The following CDH12 variants were observed in gnomAD, a reference collection of about 807,000 sequenced individuals.
CDH12 encodes cadherin 12, also known as cadherin-12.
In CDH12, 41 loss-of-function variants were observed where a neutral mutation model predicts 74.1. That is an observed-to-expected ratio of 0.55 (90% confidence interval 0.43 to 0.72). The LOEUF (loss-of-function observed/expected upper bound fraction) is 0.72, where lower values mean the gene tolerates loss of function less well. CDH12 is among the 30% of genes least tolerant of loss of function. CDH12 has a pLI of 0.00. For synonymous variants in CDH12, 399 were observed against 355.0 expected, an observed-to-expected ratio of 1.12 and a Z score of -1.39; for missense variants, 945 against 977.2, an observed-to-expected ratio of 0.97 and a Z score of 0.44.
intron 6 of CDH12, among the ~76,000 whole-genome samples, chr5:21,926,945 G>A (rs1754609455): frequency 6.6e-6 from 1 of 152,182 alleles, no homozygotes; most frequent in Non-Finnish European, 1.5e-5. Flanking sequence ...AACAGCATAT[G>A]AGAAAAGGAA....
chr5:22,585,795 C>T (rs771165352), intron 1 of CDH12, among the ~76,000 whole-genome samples: 3 of 151,828 alleles, frequency 2.0e-5, no homozygotes, highest in African/African-American at 2.4e-5. Flanking sequence ...GTTTCTAGGT[C>T]GTTCTTTCAA....
At position 22,708,882 on chromosome 5, in the gene CDH12, C is replaced by T. The variant is rs947969804; in HGVS notation, c.-523+144176G>A. On this transcript the variant is annotated intron_variant, in intron 1 of 14. Coordinates refer to ENST00000382254, the MANE Select transcript of CDH12 (RefSeq NM_004061.5). The stretch of plus-strand genomic sequence containing the variant: ...AGAAGCAAAGTGAAGCATCCATGAG[C>T]GGGAAGTTAGATGCCACCGGCCACT... Among the ~76,000 whole-genome samples, 33 of 152,170 alleles carry T rather than the reference C, an allele frequency of 2.2e-4. 1 individual carries two copies. Among genetic ancestry groups the T allele is most frequent in the South Asian group, 4.1e-4 (2 of 4,824 alleles).
At chr5:21,836,830 A>G (rs531831568) in intron 8 of CDH12, among the ~76,000 whole-genome samples, 52 of 152,086 alleles carry the variant, frequency 3.4e-4, no homozygotes, top group Non-Finnish European at 6.6e-4. Flanking sequence ...AAGCTATTTA[A>G]TTCTACGGAA....
intron 5 of CDH12, among the ~76,000 whole-genome samples, chr5:21,990,631 T>C (rs1201214872): frequency 2.6e-5 from 4 of 152,104 alleles, no homozygotes; most frequent in Non-Finnish European, 5.9e-5. Context: ...ACTGACTGGA[T>C]TCAATAAGAT....
At chr5:21,883,728 G>A in intron 6 of CDH12, 1 of 1,592,238 alleles carries the variant, frequency 6.3e-7, no homozygotes. Flanking sequence ...GCAGTTAGAT[G>A]TCACAACTAG....
chr5:22,756,289 G>A (rs17358685), intron 1 of CDH12, among the ~76,000 whole-genome samples: 34,144 of 151,714 alleles, frequency 0.23, 4,309 homozygotes, highest in Non-Finnish European at 0.29. Context: ...CAAATCCATC[G>A]TACACTATAT....
At chr5:22,836,452 A>G (rs537113901) in intron 1 of CDH12, among the ~76,000 whole-genome samples, 1 of 151,314 alleles carries the variant, frequency 6.6e-6, no homozygotes, top group East Asian at 1.9e-4. Context: ...GCTGGTCTCA[A>G]ACTCCTGACC....
intron 1 of CDH12, among the ~76,000 whole-genome samples, chr5:22,797,009 G>C (rs1421930095): frequency 7.2e-5 from 11 of 151,960 alleles, no homozygotes; most frequent in Non-Finnish European, 1.6e-4. Flanking sequence ...GTCAAAAATA[G>C]AAAGCAAGGG....
At chr5:22,602,313 G>A (rs1457711643) in intron 1 of CDH12, among the ~76,000 whole-genome samples, 2 of 152,052 alleles carry the variant, frequency 1.3e-5, no homozygotes, top group Non-Finnish European at 2.9e-5. Context: ...GCTTAATCTT[G>A]ATATTCTATT....
At chr5:22,099,303 G>C (rs1191017216) in intron 4 of CDH12, among the ~76,000 whole-genome samples, 1 of 152,150 alleles carries the variant, frequency 6.6e-6, no homozygotes, top group Non-Finnish European at 1.5e-5. Flanking sequence ...TTAGTATTCA[G>C]TGGAACCTTC....
chr5:22,180,859 T>C (rs1749606999), intron 4 of CDH12, among the ~76,000 whole-genome samples: 1 of 152,142 alleles, frequency 6.6e-6, no homozygotes, highest in Non-Finnish European at 1.5e-5. Flanking sequence ...GAATCTATAA[T>C]TGTTTATGAC....
intron 1 of CDH12, among the ~76,000 whole-genome samples, chr5:22,727,536 T>C (rs1744223261): frequency 6.6e-6 from 1 of 151,750 alleles, no homozygotes; most frequent in Admixed American, 6.6e-5. Flanking sequence ...ATTACTCGTT[T>C]AGATTTGCAT....
intron 6 of CDH12, among the ~76,000 whole-genome samples, chr5:21,935,858 T>G (rs544402365): frequency 6.6e-6 from 1 of 152,348 alleles, no homozygotes; most frequent in Non-Finnish European, 1.5e-5. Flanking sequence ...TGTCTTTCTG[T>G]GCCTGGCTTG....
intron 3 of CDH12, among the ~76,000 whole-genome samples, chr5:22,315,727 A>AG (rs1435776544): frequency 2.6e-5 from 4 of 152,120 alleles, no homozygotes; most frequent in Non-Finnish European, 5.9e-5. Flanking sequence ...TTTGGGCTTT[A>AG]GGGGGACAAC....
chr5:22,279,915 T>C (rs1736803314), intron 3 of CDH12, among the ~76,000 whole-genome samples: 1 of 152,132 alleles, frequency 6.6e-6, no homozygotes, highest in African/African-American at 2.4e-5. Flanking sequence ...CTGGGTCAAA[T>C]GGTATTTCTA....
intron 5 of CDH12, among the ~76,000 whole-genome samples, chr5:21,986,036 T>G (rs995023557): frequency 5.3e-5 from 8 of 152,224 alleles, no homozygotes; most frequent in African/African-American, 1.7e-4. Context: ...TTTACAAGGT[T>G]AGGAATTCCC....
intron 1 of CDH12, among the ~76,000 whole-genome samples, chr5:22,685,489 G>A (rs1321719785): frequency 6.6e-6 from 1 of 152,162 alleles, no homozygotes; most frequent in Non-Finnish European, 1.5e-5. Flanking sequence ...ACCTGCCTTG[G>A]CCTCCCAAAG....
chr5:22,635,220 G>A (rs576908245), intron 1 of CDH12, among the ~76,000 whole-genome samples: 1 of 152,238 alleles, frequency 6.6e-6, no homozygotes, highest in Non-Finnish European at 1.5e-5. Flanking sequence ...ATTTTGACAA[G>A]ATTGCCAAGA....
chr5:21,807,350 C>T (rs1249346277), intron 9 of CDH12, among the ~76,000 whole-genome samples: 1 of 152,142 alleles, frequency 6.6e-6, no homozygotes, highest in African/African-American at 2.4e-5. Context: ...AGTAACAACT[C>T]TGTCTTCCAC....
Sources: gnomAD v4.1 joint callset for allele counts (sites outside exome capture counted in the v4.1 genomes callset) on GRCh38, gnomAD v4.1.1 for gene constraint, MANE v1.5 for transcripts, NCBI Gene and HGNC (gene_info 2026-07-23, HGNC 2026-07-21) for gene names.